Variants in DPH6 observed in about 807,000 individuals in gnomAD.
DPH6 encodes diphthine--ammonia ligase.
A neutral mutation model predicts 38.2 loss-of-function variants in DPH6; 33 were observed. That is an observed-to-expected ratio of 0.86 (90% CI 0.65 to 1.15). DPH6 has a LOEUF of 1.15. DPH6 is among the 50% of genes most tolerant of loss of function. The pLI is 0.00. For synonymous variants in DPH6, 108 were observed against 103.0 expected (o/e 1.05, Z -0.30); for missense variants, 325 against 320.0 (o/e 1.02, Z -0.12).
chr15:35,306,746 A>T (rs2052095161), intron 3 of DPH6, among the ~76,000 whole-genome samples: 1 of 152,170 alleles, frequency 6.6e-6, no homozygotes, highest in African/African-American at 2.4e-5. Context: ...TTTATCTCCA[A>T]ATAGGTTACC....
At chr15:35,497,631 G>A (rs1322703824) in intron 3 of DPH6, among the ~76,000 whole-genome samples, 1 of 151,882 alleles carries the variant, frequency 6.6e-6, no homozygotes, top group African/African-American at 2.4e-5. Context: ...GGGAAGAAAA[G>A]GAAAAGAAAA....
chr15:35,182,429 C>T, the DPH6 span, among the ~76,000 whole-genome samples: 1 of 151,484 alleles, frequency 6.6e-6, no homozygotes, highest in South Asian at 2.1e-4. Flanking sequence ...TTATTATTGA[C>T]AAGGGTGATG....
chr15:35,336,028 A>G (rs1351556236), intron 3 of DPH6, among the ~76,000 whole-genome samples: 1 of 151,756 alleles, frequency 6.6e-6, no homozygotes, highest in Non-Finnish European at 1.5e-5. Context: ...CTGAATCTTT[A>G]TCCATTTGTG....
At chr15:35,275,228 T>G (rs1001832546) in intron 3 of DPH6, among the ~76,000 whole-genome samples, 1 of 152,166 alleles carries the variant, frequency 6.6e-6, no homozygotes, top group Non-Finnish European at 1.5e-5. Context: ...TATAAATCAT[T>G]CTACTATAAA....
chr15:35,272,265 A>AC (rs1187674059), intron 3 of DPH6, among the ~76,000 whole-genome samples: 5 of 152,208 alleles, frequency 3.3e-5, no homozygotes, highest in African/African-American at 1.2e-4. Flanking sequence ...TTATGTGCAG[A>AC]CACTATGGCC....
intron 3 of DPH6, among the ~76,000 whole-genome samples, chr15:35,261,840 A>AG (rs2051749340): frequency 6.6e-6 from 1 of 151,904 alleles, no homozygotes; most frequent in Non-Finnish European, 1.5e-5. Flanking sequence ...CTTAAAAAAA[A>AG]AAAAATGAAA....
intron 3 of DPH6, among the ~76,000 whole-genome samples, chr15:35,462,517 C>A (rs2046766480): frequency 6.6e-6 from 1 of 152,176 alleles, no homozygotes; most frequent in African/African-American, 2.4e-5. Context: ...TTGTTTCCAC[C>A]TCAAGGTCTC....
chr15:35,452,417 T>C (rs1469722191), intron 4 of DPH6, among the ~76,000 whole-genome samples: 4 of 152,086 alleles, frequency 2.6e-5, no homozygotes, highest in African/African-American at 4.8e-5. Context: ...GTCTATAAGG[T>C]TTATAAGTAA....
At chr15:35,486,017 T>C (rs1276117582) in intron 3 of DPH6, among the ~76,000 whole-genome samples, 5 of 152,218 alleles carry the variant, frequency 3.3e-5, no homozygotes, top group Non-Finnish European at 7.4e-5. Context: ...TATTAGTCCA[T>C]TCTCATGCTG....
chr15:35,510,575 T>C (rs2054755981), intron 3 of DPH6, among the ~76,000 whole-genome samples: 1 of 152,172 alleles, frequency 6.6e-6, no homozygotes, highest in Admixed American at 6.5e-5. Flanking sequence ...GATAAAAGCA[T>C]TTCGATGCAG....
intron 3 of DPH6, among the ~76,000 whole-genome samples, chr15:35,226,201 TG>T (rs2051479582): frequency 6.6e-6 from 1 of 152,188 alleles, no homozygotes; most frequent in African/African-American, 2.4e-5. Context: ...TAAATGTTCA[TG>T]TATCTATTCG....
intron 3 of DPH6, among the ~76,000 whole-genome samples, chr15:35,501,945 C>G (rs1471661341): frequency 6.6e-6 from 1 of 152,016 alleles, no homozygotes; most frequent in Non-Finnish European, 1.5e-5. Context: ...TTTTTATCAC[C>G]TAGGTAGTAG....
At chr15:35,167,281 CA>C in the DPH6 span, among the ~76,000 whole-genome samples, 1 of 151,888 alleles carries the variant, frequency 6.6e-6, no homozygotes, top group African/African-American at 2.4e-5. Flanking sequence ...TAACAATGAA[CA>C]AAAACACTTT....
intron 3 of DPH6, among the ~76,000 whole-genome samples, chr15:35,502,738 T>C (rs2054643426): frequency 6.6e-6 from 1 of 151,710 alleles, no homozygotes; most frequent in South Asian, 2.1e-4. Context: ...TGCAACAATA[T>C]GTTACACAGT....
At chr15:35,372,438 C>T (rs2140922503) in intron 8 of DPH6, 1 of 312,224 alleles carries the variant, frequency 3.2e-6, no homozygotes, top group Admixed American at 5.0e-5. Flanking sequence ...GGCTGGAATG[C>T]CTACACATGA....
intron 3 of DPH6, among the ~76,000 whole-genome samples, chr15:35,464,292 C>CAAA (rs371821044): frequency 8.4e-4 from 95 of 113,552 alleles, no homozygotes; most frequent in Admixed American, 3.5e-3. Context: ...GACTTTGTCT[C>CAAA]AAAAAAAAAA....
At chr15:35,417,635 G>T (rs938685944) in intron 5 of DPH6, among the ~76,000 whole-genome samples, 1 of 151,940 alleles carries the variant, frequency 6.6e-6, no homozygotes, top group African/African-American at 2.4e-5. Flanking sequence ...GAAGAATGAT[G>T]CTAATATACC....
intron 7 of DPH6, among the ~76,000 whole-genome samples, chr15:35,378,231 C>T (rs1406913259): frequency 1.3e-5 from 2 of 152,206 alleles, no homozygotes; most frequent in Non-Finnish European, 2.9e-5. Context: ...AAAAAATGCT[C>T]ATCATCACCT....
rs550594149 is a variant in DPH6, at chr15:35,236,350, A to T, written n.201-15768T>A. On this transcript the variant is annotated intron_variant and non_coding_transcript_variant, in intron 3 of 3. Transcript: ENST00000560386. ...TTGTAATCACATGTTAGAAAACCTC[A>T]AGTGTTGGCTGGGCGCGGTGGCTCA... is the stretch of plus-strand genomic sequence containing the variant. Among the ~76,000 whole-genome samples the T allele has an allele frequency of 6.0e-4, 92 of 152,310 alleles. 1 individual carries two copies. The Middle Eastern group carries it at 0.014, about 23-fold the overall frequency.
Sources: gnomAD v4.1 joint callset for allele counts (sites outside exome capture counted in the v4.1 genomes callset) on GRCh38, gnomAD v4.1.1 for gene constraint, MANE v1.5 for transcripts, NCBI Gene and HGNC (gene_info 2026-07-23, HGNC 2026-07-21) for gene names.